Variants in CPNE2 observed in about 807,000 individuals in gnomAD.
CPNE2 encodes the protein copine-2.
A neutral mutation model predicts 69.7 loss-of-function variants in CPNE2; 42 were observed. That is an observed-to-expected ratio of 0.60 (90% CI 0.47 to 0.78). CPNE2 has a LOEUF of 0.78. Among genes scored for constraint, CPNE2 ranks in the 30% least tolerant of loss-of-function variants. The probability of loss-of-function intolerance (pLI) is 0.00; values close to 1 mark genes in which losing one functional copy is unlikely to be tolerated. For missense variants in CPNE2, 587 were observed against 732.0 expected (o/e 0.80, Z 2.29); for synonymous variants, 294 against 289.8 (o/e 1.01, Z -0.15).
At chr16:57,137,014 T>A in intron 13 of CPNE2, 135 bp from the exon 14 acceptor site, 4 of 1,290,430 alleles carry the variant, frequency 3.1e-6, no homozygotes, top group Non-Finnish European at 4.2e-6. Flanking sequence ...GCTTCCAGTC[T>A]GTCTCACAAG....
intron 1 of CPNE2, among the ~76,000 whole-genome samples, chr16:57,097,669 C>T (rs2069586329): frequency 6.6e-6 from 1 of 152,192 alleles, no homozygotes; most frequent in Non-Finnish European, 1.5e-5. Flanking sequence ...CTTGGGTGGG[C>T]AGGCAGTGGC....
intron 14 of CPNE2, chr16:57,143,266 C>T (rs1225532415): frequency 2.6e-5 from 4 of 152,322 alleles, no homozygotes; most frequent in Non-Finnish European, 4.4e-5. Flanking sequence ...CTGCTGACCT[C>T]AGGCGCAGCT....
intron 5 of CPNE2, 77 bp from the exon 6 acceptor site, chr16:57,119,118 C>G: frequency 7.8e-7 from 1 of 1,287,502 alleles, no homozygotes; most frequent in Non-Finnish European, 1.1e-6. Context: ...GCTGGGGAGG[C>G]AGCAGGGCCA....
At chr16:57,115,995 G>A (rs552465869) in intron 4 of CPNE2, among the ~76,000 whole-genome samples, 7 of 152,378 alleles carry the variant, frequency 4.6e-5, no homozygotes, top group African/African-American at 9.6e-5. Context: ...GAGACCCAGA[G>A]AGGAAGTTCC....
Position 57,146,352 on chromosome 16 carries a change from G to A in CPNE2, c.1539+31G>A, listed in dbSNP as rs185713855. 283 of 1,506,490 alleles carry A rather than the reference G, an allele frequency of 1.9e-4. 1 individual carries two copies. The African/African-American group carries it at 3.5e-3, about 19-fold the overall frequency. The allele number at this position is 1,506,490 out of a possible 1,614,324, so 93.3% of individuals were successfully genotyped here. A position where few individuals can be genotyped will look rare whatever the true frequency, so the allele number is the denominator to read the frequency against. ...TGTGGGCCTGGGCTGGGAGGGGGCG[G>A]TTACAGGATCCCAGCCACCATAGCT... is the stretch of plus-strand genomic sequence containing the variant. On this transcript the variant is annotated intron_variant, in intron 15 of 15. Coordinates refer to ENST00000290776, the MANE Select transcript of CPNE2 (RefSeq NM_152727.6). The surrounding 1 kb of genome is among the most constrained non-coding windows in gnomAD (Gnocchi z 4.4).
At chr16:57,140,864 C>T (rs979231161) in intron 14 of CPNE2, 1 of 132,278 alleles carries the variant, frequency 7.6e-6, no homozygotes, top group African/African-American at 2.9e-5. Context: ...GGCACCCGGC[C>T]GGGATTTTTT....
At chr16:57,139,821 T>A (rs1367938663) in intron 14 of CPNE2, among the ~76,000 whole-genome samples, 1 of 152,088 alleles carries the variant, frequency 6.6e-6, no homozygotes, top group African/African-American at 2.4e-5. Flanking sequence ...ATCCTGCCGC[T>A]GTCCCTTCCT....
chr16:57,135,904 G>GAGAA (rs2069876445), intron 13 of CPNE2, among the ~76,000 whole-genome samples: 1 of 140,880 alleles, frequency 7.1e-6, no homozygotes, highest in Admixed American at 7.4e-5. Context: ...AAGGAGAAAA[G>GAGAA]AGAAAGAAAG....
intron 12 of CPNE2, among the ~76,000 whole-genome samples, chr16:57,131,657 G>A (rs371764854): frequency 1.4e-4 from 21 of 152,256 alleles, no homozygotes; most frequent in African/African-American, 4.8e-4. Flanking sequence ...AAGATGCTGC[G>A]TCCAGGCTAG....
At chr16:57,145,475 A>G (rs1315071193) in intron 14 of CPNE2, among the ~76,000 whole-genome samples, 1 of 152,166 alleles carries the variant, frequency 6.6e-6, no homozygotes, top group Non-Finnish European at 1.5e-5. Context: ...CACTCCTGGA[A>G]GCCCTGGCCC....
chr16:57,146,477 C>T lies in CPNE2; in HGVS notation c.1539+156C>T, dbSNP rs2069959564. On this transcript the variant is annotated intron_variant, in intron 15 of 15. Transcript: ENST00000290776. This position sits in a 1 kb window ranked among gnomAD's most constrained non-coding sequence, Gnocchi z 4.4. ...TGAGGGCCTGCCATGTGCCAGGCGCCGTGCCAGGCCTTGCCCCGGTGGTGG... is the reference window on the plus strand; with the variant it reads ...TGAGGGCCTGCCATGTGCCAGGCGCTGTGCCAGGCCTTGCCCCGGTGGTGG... 1.5e-5 allele frequency: 10 copies of T among 681,018 alleles called. No homozygotes were observed. The highest frequency in any genetic ancestry group is 5.8e-5 in the South Asian group (3 of 51,942). 42.2% of individuals were successfully genotyped at this position (681,018 alleles called of 1,614,324 possible).
In CPNE2 at chr16:57,146,131, TG is replaced by T; in HGVS notation, c.1351del (p.Glu451ArgfsTer213). On this transcript the variant is annotated frameshift_variant, in exon 15 of 16. Transcript: ENST00000290776. LOFTEE classifies it high-confidence loss of function. The surrounding 1 kb of genome is among the most constrained non-coding windows in gnomAD (Gnocchi z 4.4). ...ATCACGGACGGGGTCATCAGTGACA[TG>T]GAGGAGACACGGCATGCCGTGGTGC... ...LIITDGVISD[M>X]EETRHAVVQA... 1 of 1,599,562 alleles carries T rather than the reference TG, an allele frequency of 6.3e-7. No homozygotes were observed. The highest frequency in any genetic ancestry group is 1.1e-5 in the South Asian group (1 of 88,640).
chr16:57,115,700 C>G (rs959590469), intron 4 of CPNE2, 150 bp downstream of exon 4: 1 of 582,300 alleles, frequency 1.7e-6, no homozygotes, highest in Admixed American at 3.3e-5. Context: ...TCTTAGCAAC[C>G]GGCTGCTGGC....
rs2069974940 is a variant in CPNE2, at chr16:57,148,342, A to G, written c.*684A>G. 1 of 152,214 alleles carries G rather than the reference A, an allele frequency of 6.6e-6. No homozygotes were observed. The highest frequency in any genetic ancestry group is 2.4e-5 in the African/African-American group (1 of 41,452). The allele number at this position is 152,214 out of a possible 1,614,324, so 9.4% of individuals were successfully genotyped here. A position where few individuals can be genotyped will look rare whatever the true frequency, so the allele number is the denominator to read the frequency against. On this transcript the variant is annotated 3_prime_UTR_variant, in exon 16 of 16. Transcript: ENST00000290776. ...GAACCTGGCACATTGTACAAACTCA[A>G]TAAATATTCATGGATGAATAGAATG...
At chr16:57,128,389 C>T (rs1050982785) in intron 12 of CPNE2, among the ~76,000 whole-genome samples, 2 of 152,076 alleles carry the variant, frequency 1.3e-5, no homozygotes, top group African/African-American at 4.8e-5. Flanking sequence ...ACCACCACCC[C>T]GCAGCTAACT....
intron 1 of CPNE2, among the ~76,000 whole-genome samples, chr16:57,102,223 A>G (rs2069619269): frequency 6.6e-6 from 1 of 152,014 alleles, no homozygotes; most frequent in Middle Eastern, 3.2e-3. Flanking sequence ...GTGCGGGGAT[A>G]ACAGGAGTGA....
rs569372570 is a variant in CPNE2, at chr16:57,102,217, G to A, written c.-35-8491G>A. 4.6e-4 allele frequency among the ~76,000 whole-genome samples: 70 copies of A among 152,056 alleles called. 1 individual carries two copies. In the South Asian group the frequency reaches 0.013, roughly 28 times the overall value. ...CACCTGCCTCGGCCTCCCAAAGTGC[G>A]GGGATAACAGGAGTGAGCCACCGCA... On this transcript the variant is annotated intron_variant, in intron 1 of 15. Coordinates refer to ENST00000290776, the MANE Select transcript of CPNE2 (RefSeq NM_152727.6).
At chr16:57,124,997 G>T in intron 10 of CPNE2, 1 of 296,820 alleles carries the variant, frequency 3.4e-6, no homozygotes, top group Non-Finnish European at 6.9e-6. Flanking sequence ...CCCCTGACCT[G>T]GGGGAGTGAC....
In CPNE2 at chr16:57,146,858, CG is replaced by C. The variant is rs1371940662; in HGVS notation, c.1539+541del. 2 of 159,782 alleles carry C rather than the reference CG, an allele frequency of 1.3e-5. No homozygotes were observed. The highest frequency in any genetic ancestry group is 2.8e-5 in the Non-Finnish European group (2 of 72,436). The allele number at this position is 159,782 out of a possible 1,614,324, so 9.9% of individuals were successfully genotyped here. On this transcript the variant is annotated intron_variant, in intron 15 of 15. Coordinates refer to ENST00000290776, the MANE Select transcript of CPNE2 (RefSeq NM_152727.6). This position sits in a 1 kb window ranked among gnomAD's most constrained non-coding sequence, Gnocchi z 4.4. ...ATCCCAGATCTGCCCACAAGGAGGCCGGGGTTGGCCTCCTGATCACTGCCCT... is the reference window on the plus strand; with the variant it reads ...ATCCCAGATCTGCCCACAAGGAGGCCGGGTTGGCCTCCTGATCACTGCCCT...
Sources: gnomAD v4.1 joint callset for allele counts (sites outside exome capture counted in the v4.1 genomes callset) on GRCh38, gnomAD v4.1.1 for gene constraint, Gnocchi (gnomAD v3.1) non-coding constraint, MANE v1.5 for transcripts, NCBI Gene and HGNC (gene_info 2026-07-23, HGNC 2026-07-21) for gene names.